SPTAN1: variants seen among roughly 807,000 people sequenced by gnomAD.
SPTAN1 encodes the protein spectrin alpha, non-erythrocytic 1.
A neutral mutation model predicts 331.3 loss-of-function variants in SPTAN1; 61 were observed. That is an observed-to-expected ratio of 0.18 (90% CI 0.15 to 0.23). The LOEUF (loss-of-function observed/expected upper bound fraction) is 0.23. Among genes scored for constraint, SPTAN1 ranks in the 10% least tolerant of loss-of-function variants. SPTAN1 has a pLI of 1.00. For synonymous variants in SPTAN1, 1,153 were observed against 1,173.9 expected, an observed-to-expected ratio of 0.98 and a Z score of 0.36; for missense variants, 2,043 against 3,147.9, an observed-to-expected ratio of 0.65 and a Z score of 8.40.
intron 1 of SPTAN1, among the ~76,000 whole-genome samples, chr9:128,562,339 G>C (rs1185922404): frequency 6.6e-6 from 1 of 152,148 alleles, no homozygotes; most frequent in Non-Finnish European, 1.5e-5. Context: ...ATGACCTTGT[G>C]ATCCACCTGC....
At chr9:128,617,162 C>T (rs114209374) in intron 41 of SPTAN1, among the ~76,000 whole-genome samples, 2,606 of 151,552 alleles carry the variant, frequency 0.017, 81 homozygotes, top group African/African-American at 0.059. Flanking sequence ...TCACTTGAAC[C>T]GGAGTGGCGG....
At chr9:128,626,834 C>A in intron 49 of SPTAN1, 147 bp downstream of exon 49, 2 of 1,004,040 alleles carry the variant, frequency 2.0e-6, no homozygotes, top group Non-Finnish European at 3.0e-6. Flanking sequence ...TTTTTGTGTT[C>A]TTGAGGCAGG....
In SPTAN1 at chr9:128,577,628, A is replaced by G. The variant is rs538985892; in HGVS notation, c.1085+122A>G. 3.1e-6 allele frequency: 4 copies of G among 1,311,368 alleles called. No individual in the cohort carries two copies. Among genetic ancestry groups the G allele is most frequent in the Admixed American group, 1.7e-5 (1 of 57,242 alleles). 81.2% of individuals were successfully genotyped at this position (1,311,368 alleles called of 1,614,324 possible). ...GTGTCAGGTATCACCTACAAATGCA[A>G]ATCACTTCTTACCTATGTTCTCTCT... On this transcript the variant is annotated intron_variant, in intron 8 of 56. Transcript: ENST00000372739. The surrounding 1 kb of genome is among the most constrained non-coding windows in gnomAD (Gnocchi z 4.2).
At chr9:128,554,088 A>C (rs912951274) in intron 1 of SPTAN1, among the ~76,000 whole-genome samples, 1 of 152,044 alleles carries the variant, frequency 6.6e-6, no homozygotes, top group Non-Finnish European at 1.5e-5. Context: ...TGTGCTGCGG[A>C]GGAAAAAAAA....
Position 128,608,977 on chromosome 9 carries a change from G to T in SPTAN1, c.4595G>T (p.Arg1532Met). 6.2e-7 allele frequency: 1 copy of T among 1,614,194 alleles called. No individual in the cohort carries two copies. The highest frequency in any genetic ancestry group is 8.5e-7 in the Non-Finnish European group (1 of 1,179,996). ...ISSRRNEVLDRWRRLKAQMIE... is the reference protein window; with the variant it reads ...ISSRRNEVLDMWRRLKAQMIE... ...AGCCGGCGCAATGAGGTCTTGGACAGGTGGGTGTCCTGTGGCACTGACATA... is the reference window on the plus strand; with the variant it reads ...AGCCGGCGCAATGAGGTCTTGGACATGTGGGTGTCCTGTGGCACTGACATA... Residue 1532 changes from arginine to methionine, a missense_variant and splice_region_variant, in exon 35 of 57, where the codon AGG (arginine) becomes ATG (methionine). Coordinates refer to ENST00000372739, the MANE Select transcript of SPTAN1 (RefSeq NM_001130438.3).
chr9:128,609,241 A>C lies in SPTAN1; in HGVS notation c.4715A>C (p.Gln1572Pro). 1.2e-6 allele frequency: 2 copies of C among 1,614,242 alleles called. No individual in the cohort carries two copies. The highest frequency in any genetic ancestry group is 1.7e-6 in the Non-Finnish European group (2 of 1,180,046). ...GAGGCTTGGATCAGTGAAAAATTGC[A>C]AACAGCGAGTGATGAGTCGTACAAG... ...EIEAWISEKL[Q>P]TASDESYKDP... The change falls in exon 36 of 57, where the codon CAA (glutamine) becomes CCA (proline). Residue 1572 changes from glutamine to proline, a missense_variant. Physicochemically the swap from Gln to Pro is moderately conservative, Grantham distance 76 (BLOSUM62 -1). Around this residue, in one of 12 missense-constraint regions of SPTAN1, gnomAD observed 323 missense variants for 581.1 expected, o/e 0.56. Transcript: ENST00000372739.
At chr9:128,557,875 C>T (rs963812303) in intron 1 of SPTAN1, among the ~76,000 whole-genome samples, 7 of 146,874 alleles carry the variant, frequency 4.8e-5, no homozygotes, top group Non-Finnish European at 1.5e-5. Context: ...GCGATCTCGG[C>T]TCACTGCAAG....
chr9:128,626,762 T>TAG, intron 49 of SPTAN1, 75 bp downstream of exon 49: 1 of 1,372,860 alleles, frequency 7.3e-7, no homozygotes, highest in African/African-American at 2.1e-5. Context: ...AGCCCACACT[T>TAG]AACTGAGTCA....
At chr9:128,571,176 G>C (rs967958421) in intron 3 of SPTAN1, among the ~76,000 whole-genome samples, 1 of 152,096 alleles carries the variant, frequency 6.6e-6, no homozygotes, top group Non-Finnish European at 1.5e-5. Context: ...TGTAGCCCCA[G>C]CTACTGGGGA....
intron 46 of SPTAN1, 38 bp downstream of exon 46, chr9:128,624,525 G>T: frequency 1.2e-6 from 2 of 1,609,672 alleles, no homozygotes; most frequent in Non-Finnish European, 1.7e-6. Context: ...AGCCTTCCCA[G>T]AGCTGCTCTT....
intron 20 of SPTAN1, 85 bp from the exon 21 acceptor site, chr9:128,588,715 TTGGTACAGC>T: frequency 6.4e-7 from 1 of 1,552,102 alleles, no homozygotes; most frequent in Non-Finnish European, 8.8e-7. Flanking sequence ...TTTGGTACAT[TTGGTACAGC>T]TGGTGGCATT....
intron 37 of SPTAN1, among the ~76,000 whole-genome samples, chr9:128,610,548 G>A (rs1190565129): frequency 6.6e-6 from 1 of 151,820 alleles, no homozygotes; most frequent in Non-Finnish European, 1.5e-5. Context: ...CAACACTACT[G>A]CCTTTTAGTT....
intron 2 of SPTAN1, 135 bp downstream of exon 2, chr9:128,567,112 T>C (rs769061614): frequency 6.2e-6 from 8 of 1,297,144 alleles, no homozygotes; most frequent in Middle Eastern, 4.1e-4. Flanking sequence ...AAGGACAAAC[T>C]CATTGTTTTC....
rs1456171754 is a variant in SPTAN1 at position 128,633,304 on chromosome 9, G to A, written c.7404G>A (p.Val2468=). The change falls in exon 57 of 57, where the codon GTG becomes GTA. Residue 2468 remains valine (V), a synonymous_variant. Coordinates refer to ENST00000372739, the MANE Select transcript of SPTAN1 (RefSeq NM_001130438.3). The part of the protein sequence containing the change: ...GRELPTAFDY[V]EFTRSLFVN ...AGCTCCCCACCGCGTTCGACTACGT[G>A]GAGTTCACCCGCTCGCTTTTCGTGA... 1 of 1,613,978 alleles carries A rather than the reference G, an allele frequency of 6.2e-7. No individual in the cohort carries two copies. Among genetic ancestry groups the A allele is most frequent in the Admixed American group, 1.7e-5 (1 of 60,022 alleles).
chr9:128,621,149 C>T lies in SPTAN1; in HGVS notation c.5734-9C>T, dbSNP rs779869876. ...TCTCAATAGTGTGCCTTGGCTGCTT[C>T]TACTCCAGGGCTTACTGAAGAAACA... is the stretch of plus-strand genomic sequence containing the variant. On this transcript the variant is annotated splice_polypyrimidine_tract_variant and intron_variant, in intron 44 of 56. Transcript: ENST00000372739. The T allele has an allele frequency of 5.0e-6, 8 of 1,613,822 alleles. No individual in the cohort carries two copies. Among genetic ancestry groups the T allele is most frequent in the South Asian group, 2.2e-5 (2 of 91,074 alleles).
intron 2 of SPTAN1, among the ~76,000 whole-genome samples, chr9:128,568,392 A>T (rs777652619): frequency 6.6e-6 from 1 of 152,236 alleles, no homozygotes; most frequent in Non-Finnish European, 1.5e-5. Flanking sequence ...AAGAGTAAGC[A>T]CTGAATGTTG....
In SPTAN1 at chr9:128,608,255, T is replaced by C. The variant is rs1856147995; in HGVS notation, c.4470T>C (p.Phe1490=). ...VEALIKKHED[F]DKAINVQEEK... ...CTCTGATCAAAAAACATGAAGACTT[T>C]GACAAAGCGATTAACGTCCAGGTGA... Residue 1490 remains phenylalanine, a synonymous_variant, in exon 34 of 57, where the codon TTT becomes TTC. Coordinates refer to ENST00000372739, the MANE Select transcript of SPTAN1 (RefSeq NM_001130438.3). 1 of 1,614,166 alleles carries C rather than the reference T, an allele frequency of 6.2e-7. No individual in the cohort carries two copies. The highest frequency in any genetic ancestry group is 8.5e-7 in the Non-Finnish European group (1 of 1,180,030).
At chr9:128,600,712 G>A (rs773621155) in intron 27 of SPTAN1, among the ~76,000 whole-genome samples, 1 of 152,140 alleles carries the variant, frequency 6.6e-6, no homozygotes, top group Non-Finnish European at 1.5e-5. Context: ...ACCCAGGCTG[G>A]AGTGCAGTGG....
intron 1 of SPTAN1, among the ~76,000 whole-genome samples, chr9:128,564,752 C>A (rs1358922876): frequency 1.3e-5 from 2 of 152,116 alleles, no homozygotes; most frequent in Non-Finnish European, 2.9e-5. Context: ...CAGGATCCTG[C>A]AGTTTACCCA....
Sources: gnomAD v4.1 joint callset for allele counts (sites outside exome capture counted in the v4.1 genomes callset) on GRCh38, gnomAD v4.1.1 for gene constraint, gnomAD v4.1.1 regional missense constraint, Gnocchi (gnomAD v3.1) non-coding constraint, MANE v1.5 for transcripts, NCBI Gene and HGNC (gene_info 2026-07-23, HGNC 2026-07-21) for gene names.